The following CBY2 variants were observed in gnomAD, a reference collection of about 807,000 sequenced individuals.
The protein encoded by CBY2 is protein chibby homolog 2.
In CBY2, 23 loss-of-function variants were observed where a neutral mutation model predicts 25.3. The observed-to-expected ratio is 0.91, with a 90% CI of 0.65 to 1.29. The LOEUF (loss-of-function observed/expected upper bound fraction) is 1.29. Ranked by LOEUF, CBY2 falls within the 50% of genes most tolerant of loss-of-function variation. The pLI, the probability that CBY2 is intolerant of heterozygous loss-of-function variation, is 0.00. For synonymous variants in CBY2, 279 were observed against 260.2 expected, an observed-to-expected ratio of 1.07 and a Z score of -0.70; for missense variants, 642 against 590.7, an observed-to-expected ratio of 1.09 and a Z score of -0.90.
chr13:45,703,013 G>T, intron 2 of CBY2, 158 bp downstream of exon 2: 1 of 1,140,116 alleles, frequency 8.8e-7, no homozygotes, highest in Non-Finnish European at 1.2e-6. Context: ...GTGTGCTGGG[G>T]AAGGCCACAT....
chr13:45,710,043 G>T (rs1270187513), intron 2 of CBY2, among the ~76,000 whole-genome samples: 2 of 152,116 alleles, frequency 1.3e-5, no homozygotes, highest in Non-Finnish European at 2.9e-5. Context: ...GAATTTAGTA[G>T]GTAGAATGCT....
At position 45,713,081 on chromosome 13, in the gene CBY2, T is replaced by G. The variant is rs2137510946; in HGVS notation, c.157-101T>G. The G allele has an allele frequency of 9.3e-6, 9 of 968,872 alleles. 1 individual carries two copies. In the South Asian group the frequency reaches 1.5e-4, roughly 16 times the overall value. The allele number at this position is 968,872 out of a possible 1,614,324, so 60.0% of individuals were successfully genotyped here. A position where few individuals can be genotyped will look rare whatever the true frequency, so the allele number is the denominator to read the frequency against. On this transcript the variant is annotated intron_variant, in intron 2 of 2. Transcript: ENST00000310521. The surrounding 1 kb of genome is among the most constrained non-coding windows in gnomAD (Gnocchi z 5.0). ...CGCCCACTGTGGCCAGGCCAGACAA[T>G]CAGACGGGGCTTATTTGGGGATGTC... is the stretch of plus-strand genomic sequence containing the variant.
Position 45,702,342 on chromosome 13 carries a change from A to T in CBY2, c.-49A>T. The T allele has an allele frequency of 6.6e-7, 1 of 1,520,038 alleles. No homozygotes were observed. The highest frequency in any genetic ancestry group is 1.1e-5 in the South Asian group (1 of 88,908). The allele number at this position is 1,520,038 out of a possible 1,614,324, so 94.2% of individuals were successfully genotyped here. A position where few individuals can be genotyped will look rare whatever the true frequency, so the allele number is the denominator to read the frequency against. ...GTCAGATGCCTCATTCCCACCTGTG[A>T]TGCTCAGAGAGAAACCATGAGCCCT... On this transcript the variant is annotated 5_prime_UTR_variant, in exon 1 of 3. It removes an upstream start codon present in the reference 5' UTR. Coordinates refer to ENST00000310521, the MANE Select transcript of CBY2 (RefSeq NM_152719.3).
In CBY2 at chr13:45,714,092, T is replaced by C. The variant is rs1159982115; in HGVS notation, c.1067T>C (p.Leu356Pro). 3 of 1,543,786 alleles carry C rather than the reference T, an allele frequency of 1.9e-6. No individual in the cohort carries two copies. Among genetic ancestry groups the C allele is most frequent in the Non-Finnish European group, 1.7e-6 (2 of 1,143,456 alleles). Residue 356 changes from leucine (L) to proline (P), a missense_variant, in exon 3 of 3, where the codon CTG (leucine) becomes CCG (proline). Leu to Pro is a moderately conservative substitution (Grantham distance 98). Coordinates refer to ENST00000310521, the MANE Select transcript of CBY2 (RefSeq NM_152719.3). ...GPGLPDGCQP[L>P]QLLREMRQAL... ...GGCCTGCCCGACGGCTGCCAGCCCC[T>C]GCAGCTGCTGAGAGAGATGAGGCAG...
chr13:45,713,305 C>A lies in CBY2; in HGVS notation c.280C>A (p.Arg94Ser). The A allele has an allele frequency of 1.9e-6, 3 of 1,614,146 alleles. No individual in the cohort carries two copies. The highest frequency in any genetic ancestry group is 2.5e-6 in the Non-Finnish European group (3 of 1,180,034). The part of the protein sequence containing the change: ...MASQHSYPLN[R>S]FSSVPLDPME... ...GAGCCAGCACTCCTATCCACTGAAC[C>A]GCTTCTCCTCCGTGCCTTTAGACCC... Residue 94 changes from arginine (R) to serine (S), a missense_variant, in exon 3 of 3, where the codon CGC becomes AGC. Arg to Ser is a moderately radical substitution (Grantham distance 110, BLOSUM62 -1). Coordinates refer to ENST00000310521, the MANE Select transcript of CBY2 (RefSeq NM_152719.3). This position sits in a 1 kb window ranked among gnomAD's most constrained non-coding sequence, Gnocchi z 5.0.
At chr13:45,706,874 A>G (rs999328911) in intron 2 of CBY2, among the ~76,000 whole-genome samples, 1 of 152,148 alleles carries the variant, frequency 6.6e-6, no homozygotes, top group Non-Finnish European at 1.5e-5. Context: ...CTGGAACTGC[A>G]TATGTTCGCT....
At chr13:45,705,856 A>G (rs1359724103) in intron 2 of CBY2, among the ~76,000 whole-genome samples, 2 of 152,148 alleles carry the variant, frequency 1.3e-5, no homozygotes, top group African/African-American at 4.8e-5. Context: ...AACCCTCAGT[A>G]ATGTTGGCAA....
In CBY2 at chr13:45,714,192, G is replaced by C. The variant is rs766411458; in HGVS notation, c.1167G>C (p.Glu389Asp). Reference sequence around the variant, plus strand: ...GGACCCTGCAGGTGCTACGGGCAGAGCACAGGGGCTTCCAGGAGGAGAACA... The same window carrying C: ...GGACCCTGCAGGTGCTACGGGCAGACCACAGGGGCTTCCAGGAGGAGAACA... ...ENRTLQVLRA[E>D]HRGFQEENKA... The change falls in exon 3 of 3, where the codon GAG (glutamate) becomes GAC (aspartate). Residue 389 changes from glutamate (E) to aspartate (D), a missense_variant. Physicochemically the swap from Glu to Asp is conservative, Grantham distance 45. Transcript: ENST00000310521. 3.7e-6 allele frequency: 6 copies of C among 1,612,242 alleles called. No homozygotes were observed. The South Asian group carries it at 6.6e-5, about 18-fold the overall frequency.
chr13:45,703,389 C>T, intron 2 of CBY2: 1 of 1,456,866 alleles, frequency 6.9e-7, no homozygotes, highest in Non-Finnish European at 9.0e-7. Flanking sequence ...GTGAAGTCCT[C>T]ACAGGCTATA....
chr13:45,703,363 TTCAG>T, intron 2 of CBY2: 1 of 1,437,146 alleles, frequency 7.0e-7, no homozygotes, highest in African/African-American at 1.4e-5. Context: ...TAGATGCTTT[TTCAG>T]TCAATGAATT....
rs1312185007 is a variant in CBY2 at position 45,713,427 on chromosome 13, C to G, written c.402C>G (p.Arg134=). ...SDEMFVFQDG[R]WVNENCRLQS... ...AGATGTTCGTGTTCCAGGACGGGCGCTGGGTAAATGAGAACTGCCGCCTGC... is the reference window on the plus strand; with the variant it reads ...AGATGTTCGTGTTCCAGGACGGGCGGTGGGTAAATGAGAACTGCCGCCTGC... Residue 134 remains arginine, a synonymous_variant, in exon 3 of 3, where the codon CGC becomes CGG. Coordinates refer to ENST00000310521, the MANE Select transcript of CBY2 (RefSeq NM_152719.3). The surrounding 1 kb of genome is among the most constrained non-coding windows in gnomAD (Gnocchi z 5.0). 1 of 1,614,098 alleles carries G rather than the reference C, an allele frequency of 6.2e-7. No individual in the cohort carries two copies. The highest frequency in any genetic ancestry group is 2.2e-5 in the East Asian group (1 of 44,890).
At chr13:45,707,098 G>T (rs978711459) in intron 2 of CBY2, among the ~76,000 whole-genome samples, 1 of 152,142 alleles carries the variant, frequency 6.6e-6, no homozygotes, top group Non-Finnish European at 1.5e-5. Flanking sequence ...GTGACATTCT[G>T]AGAGGCAAAA....
Position 45,713,147 on chromosome 13 carries a change from T to C in CBY2, c.157-35T>C. On this transcript the variant is annotated intron_variant, in intron 2 of 2. Transcript: ENST00000310521. This position sits in a 1 kb window ranked among gnomAD's most constrained non-coding sequence, Gnocchi z 5.0. ...GCCAGCCCCAAGTGTGTCAGTCCCA[T>C]CGTTAACGCTGGGCTTTCCCATTCT... 6.6e-7 allele frequency: 1 copy of C among 1,509,520 alleles called. No individual in the cohort carries two copies. Among genetic ancestry groups the C allele is most frequent in the South Asian group, 1.2e-5 (1 of 82,148 alleles). 93.5% of individuals were successfully genotyped at this position (1,509,520 alleles called of 1,614,324 possible).
Position 45,702,397 on chromosome 13 carries a change from C to T in CBY2, c.7C>T (p.Pro3Ser), listed in dbSNP as rs1018066497. 6.2e-7 allele frequency: 1 copy of T among 1,613,976 alleles called. No individual in the cohort carries two copies. Among genetic ancestry groups the T allele is most frequent in the South Asian group, 1.1e-5 (1 of 91,078 alleles). Residue 3 changes from proline to serine, a missense_variant, in exon 1 of 3, where the codon CCT (proline) becomes TCT (serine). Transcript: ENST00000310521. MS[P>S]LECSECFGDQ... ...AACACCATATTGTTTTGTGATGTCA[C>T]CTCTGGAATGTTCTGAGTGTTTTGG... is the stretch of plus-strand genomic sequence containing the variant.
At chr13:45,712,564 A>G (rs1197562680) in intron 2 of CBY2, among the ~76,000 whole-genome samples, 1 of 152,164 alleles carries the variant, frequency 6.6e-6, no homozygotes, top group East Asian at 1.9e-4. Context: ...AGTTGTGTGA[A>G]GTTGAGTCCC....
At chr13:45,707,950 C>T (rs1950248978) in intron 2 of CBY2, among the ~76,000 whole-genome samples, 1 of 152,168 alleles carries the variant, frequency 6.6e-6, no homozygotes, top group African/African-American at 2.4e-5. Context: ...TATAATCTTT[C>T]TCTAAAGAAA....
rs1566071269 is a variant in CBY2 at position 45,713,284 on chromosome 13, C to A, written c.259C>A (p.Gln87Lys). The A allele has an allele frequency of 1.4e-5, 23 of 1,613,990 alleles. No homozygotes were observed. Among genetic ancestry groups the A allele is most frequent in the Non-Finnish European group, 1.9e-5 (23 of 1,180,014 alleles). ...LPRLSRRMAS[Q>K]HSYPLNRFSS... ...CCGGCTGAGCCGCAGGATGGCGAGC[C>A]AGCACTCCTATCCACTGAACCGCTT... Residue 87 changes from glutamine to lysine, a missense_variant, in exon 3 of 3, where the codon CAG becomes AAG. By Grantham distance (53) the Gln-to-Lys change is moderately conservative. Coordinates refer to ENST00000310521, the MANE Select transcript of CBY2 (RefSeq NM_152719.3). This position sits in a 1 kb window ranked among gnomAD's most constrained non-coding sequence, Gnocchi z 5.0.
At chr13:45,707,780 T>C (rs1220421849) in intron 2 of CBY2, among the ~76,000 whole-genome samples, 3 of 152,122 alleles carry the variant, frequency 2.0e-5, no homozygotes, top group Non-Finnish European at 4.4e-5. Context: ...GAGTCAAATA[T>C]CCTCATTTTA....
intron 2 of CBY2, chr13:45,703,276 G>C (rs756105052): frequency 3.9e-5 from 52 of 1,325,586 alleles, no homozygotes; most frequent in Non-Finnish European, 4.7e-5. Context: ...GTGGACAAAG[G>C]GGTACAGAGT....
Sources: gnomAD v4.1 joint callset for allele counts (sites outside exome capture counted in the v4.1 genomes callset) on GRCh38, gnomAD v4.1.1 for gene constraint, Gnocchi (gnomAD v3.1) non-coding constraint, MANE v1.5 for transcripts, NCBI Gene and HGNC (gene_info 2026-07-23, HGNC 2026-07-21) for gene names.